Variants in PLEKHA2 observed in about 807,000 individuals in gnomAD.
The protein encoded by PLEKHA2 is pleckstrin homology domain-containing family A member 2.
Under a neutral mutation model 53.2 loss-of-function variants are expected in PLEKHA2, and 28 were observed. That is an observed-to-expected ratio of 0.53 (90% CI 0.39 to 0.72). The LOEUF is 0.72. Among genes scored for constraint, PLEKHA2 ranks in the 30% least tolerant of loss-of-function variants. PLEKHA2 has a pLI of 0.00. For synonymous variants in PLEKHA2, 193 were observed against 196.4 expected, an observed-to-expected ratio of 0.98 and a Z score of 0.14; for missense variants, 426 against 537.9, an observed-to-expected ratio of 0.79 and a Z score of 2.06.
At chr8:38,948,217 A>G (rs1834752404) in intron 5 of PLEKHA2, among the ~76,000 whole-genome samples, 1 of 152,154 alleles carries the variant, frequency 6.6e-6, no homozygotes, top group South Asian at 2.1e-4. Context: ...AAAAATCAAC[A>G]TCCCTAAAAA....
intron 1 of PLEKHA2, among the ~76,000 whole-genome samples, chr8:38,906,038 T>A (rs1833868325): frequency 1.3e-5 from 2 of 152,206 alleles, no homozygotes; most frequent in Non-Finnish European, 2.9e-5. Context: ...TTAGTACCCT[T>A]TGGTTGACAT....
rs183462145 is a variant in PLEKHA2 at position 38,908,450 on chromosome 8, T to C, written c.-24+7005T>C. On this transcript the variant is annotated intron_variant, in intron 1 of 11. Coordinates refer to ENST00000617275, the MANE Select transcript of PLEKHA2 (RefSeq NM_021623.2). Reference sequence around the variant, plus strand: ...ATTTAGGGAAGGCCTTGTTTGTTTGTGGACTCTGGAGAATTGAGAAATTTA... The same window carrying C: ...ATTTAGGGAAGGCCTTGTTTGTTTGCGGACTCTGGAGAATTGAGAAATTTA... Among the ~76,000 whole-genome samples the C allele has an allele frequency of 1.8e-4, 27 of 152,356 alleles. No individual in the cohort carries two copies. In the East Asian group the frequency reaches 5.0e-3, roughly 28 times the overall value.
At chr8:38,917,549 A>G (rs936808084) in intron 1 of PLEKHA2, among the ~76,000 whole-genome samples, 3 of 152,220 alleles carry the variant, frequency 2.0e-5, no homozygotes, top group African/African-American at 7.2e-5. Flanking sequence ...CAGATGCAGA[A>G]GCTGAGGCAC....
chr8:38,943,682 T>C, intron 3 of PLEKHA2, 107 bp from the exon 4 acceptor site: 1 of 791,212 alleles, frequency 1.3e-6, no homozygotes, highest in Non-Finnish European at 1.9e-6. Flanking sequence ...TTTAAAAATG[T>C]AGACATATGT....
At chr8:38,967,891 A>C (rs1226994299) in intron 10 of PLEKHA2, among the ~76,000 whole-genome samples, 2 of 152,014 alleles carry the variant, frequency 1.3e-5, no homozygotes, top group African/African-American at 4.8e-5. Flanking sequence ...TGAACTCCTG[A>C]GCTCAGGCAA....
intron 5 of PLEKHA2, 74 bp from the exon 6 acceptor site, chr8:38,950,776 C>A: frequency 6.5e-7 from 1 of 1,542,172 alleles, no homozygotes; most frequent in Non-Finnish European, 8.8e-7. Context: ...TCACGGCAGC[C>A]CCATTCTGTT....
chr8:38,902,085 G>A (rs1833795460), intron 1 of PLEKHA2: 1 of 152,238 alleles, frequency 6.6e-6, no homozygotes, highest in African/African-American at 2.4e-5. Context: ...GTGCCAGGTT[G>A]GGTGAGCCCT....
Position 38,953,287 on chromosome 8 carries a change from T to C in PLEKHA2, c.703-10T>C. On this transcript the variant is annotated splice_polypyrimidine_tract_variant and intron_variant, in intron 8 of 11. Transcript: ENST00000617275. ...GCCTCACTTACCTGTCTTTCTGTTCTTTCCACCAGGACCGAGAACCACTGC... is the reference window on the plus strand; with the variant it reads ...GCCTCACTTACCTGTCTTTCTGTTCCTTCCACCAGGACCGAGAACCACTGC... 6.2e-7 allele frequency: 1 copy of C among 1,608,940 alleles called. No homozygotes were observed. Among genetic ancestry groups the C allele is most frequent in the Non-Finnish European group, 8.5e-7 (1 of 1,175,256 alleles).
intron 9 of PLEKHA2, among the ~76,000 whole-genome samples, chr8:38,956,841 G>A (rs1834949724): frequency 6.6e-6 from 1 of 152,142 alleles, no homozygotes; most frequent in South Asian, 2.1e-4. Context: ...CCCTGAGTGT[G>A]GGTCTGGGTT....
At chr8:38,962,805 T>C (rs1305341500) in intron 10 of PLEKHA2, among the ~76,000 whole-genome samples, 1 of 152,220 alleles carries the variant, frequency 6.6e-6, no homozygotes, top group African/African-American at 2.4e-5. Flanking sequence ...TAGCAATAAG[T>C]GGACTCAAGT....
At chr8:38,953,475 G>A in intron 9 of PLEKHA2, 108 bp downstream of exon 9, 1 of 1,144,908 alleles carries the variant, frequency 8.7e-7, no homozygotes, top group Non-Finnish European at 1.3e-6. Flanking sequence ...TCTTCCAAGA[G>A]CCAGGCACAG....
Position 38,972,421 on chromosome 8 carries a change from G to C in PLEKHA2, c.*2638G>C, listed in dbSNP as rs561811937. 2 of 152,134 alleles carry C rather than the reference G, an allele frequency of 1.3e-5. No individual in the cohort carries two copies. The highest frequency in any genetic ancestry group is 2.9e-5 in the Non-Finnish European group (2 of 68,040). 9.4% of individuals were successfully genotyped at this position (152,134 alleles called of 1,614,324 possible). ...AGGCTCTCTCAAACTCCTGGCCCAA[G>C]TGATCCTCCTGCCTTGGCCTCCTAA... On this transcript the variant is annotated 3_prime_UTR_variant, in exon 12 of 12. Coordinates refer to ENST00000617275, the MANE Select transcript of PLEKHA2 (RefSeq NM_021623.2).
Position 38,939,805 on chromosome 8 carries a change from G to A in PLEKHA2, c.198+3755G>A, listed in dbSNP as rs548295446. On this transcript the variant is annotated intron_variant, in intron 3 of 11. Coordinates refer to ENST00000617275, the MANE Select transcript of PLEKHA2 (RefSeq NM_021623.2). ...AATGTCATTCTAAAGCTGGAAGTAG[G>A]TTGGGCATAGTGACTCATGCCTGTA... Among the ~76,000 whole-genome samples the A allele has an allele frequency of 9.2e-5, 14 of 152,298 alleles. No homozygotes were observed. The South Asian group carries it at 2.9e-3, about 32-fold the overall frequency.
intron 2 of PLEKHA2, among the ~76,000 whole-genome samples, chr8:38,923,955 A>C (rs1369200196): frequency 6.6e-6 from 1 of 151,920 alleles, no homozygotes; most frequent in Non-Finnish European, 1.5e-5. Flanking sequence ...AGCTTAAAGA[A>C]ATTCTCGTGC....
At chr8:38,923,610 G>T (rs1834232078) in intron 2 of PLEKHA2, among the ~76,000 whole-genome samples, 1 of 152,174 alleles carries the variant, frequency 6.6e-6, no homozygotes, top group Non-Finnish European at 1.5e-5. Flanking sequence ...AATTTGTTCA[G>T]CGTGCCAGAT....
intron 10 of PLEKHA2, among the ~76,000 whole-genome samples, chr8:38,958,368 A>G (rs1346382584): frequency 6.6e-6 from 1 of 152,148 alleles, no homozygotes. Context: ...ACTGACAAGT[A>G]AGCAGGTTGG....
rs1292903841 is a variant in PLEKHA2 at position 38,957,405 on chromosome 8, G to A, written c.837+19G>A. The A allele has an allele frequency of 9.4e-6, 15 of 1,593,880 alleles. No homozygotes were observed. The highest frequency in any genetic ancestry group is 1.3e-5 in the African/African-American group (1 of 74,408). On this transcript the variant is annotated intron_variant, in intron 10 of 11. Coordinates refer to ENST00000617275, the MANE Select transcript of PLEKHA2 (RefSeq NM_021623.2). Reference sequence around the variant, plus strand: ...CGTACAGGTAAAATGCTCCCTTCCAGAAGACTCCAGCATTCTGTTTCTGTG... The same window carrying A: ...CGTACAGGTAAAATGCTCCCTTCCAAAAGACTCCAGCATTCTGTTTCTGTG...
chr8:38,957,174 T>A (rs1834956974), intron 9 of PLEKHA2, 149 bp from the exon 10 acceptor site: 1 of 581,800 alleles, frequency 1.7e-6, no homozygotes, highest in African/African-American at 1.9e-5. Context: ...GGAGTGTTTT[T>A]CAAGGCAGGA....
intron 10 of PLEKHA2, among the ~76,000 whole-genome samples, chr8:38,965,486 A>G (rs1445723024): frequency 1.3e-5 from 2 of 152,188 alleles, no homozygotes; most frequent in Admixed American, 6.5e-5. Context: ...CCTATGTGAC[A>G]TAGGAGACTT....
Sources: allele counts gnomAD v4.1 joint callset (sites outside exome capture counted in the v4.1 genomes callset), GRCh38; gene constraint gnomAD v4.1.1; transcripts MANE v1.5; gene names NCBI Gene and HGNC (gene_info 2026-07-23, HGNC 2026-07-21).